MTA3: variants seen among roughly 807,000 people sequenced by gnomAD.
The protein encoded by MTA3 is metastasis-associated protein MTA3.
MTA3 carries 34 observed loss-of-function variants against 83.5 expected under a neutral mutation model. That is an observed-to-expected ratio of 0.41 (90% confidence interval 0.31 to 0.54). The LOEUF is 0.54. Ranked by LOEUF, MTA3 falls within the 20% of genes least tolerant of loss-of-function variation. The pLI is 0.33. For missense variants in MTA3, 761 were observed against 726.4 expected, an observed-to-expected ratio of 1.05 and a Z score of -0.55; for synonymous variants, 303 against 252.7, an observed-to-expected ratio of 1.20 and a Z score of -1.89.
chr2:42,607,171 C>A (rs770559043), intron 3 of MTA3, among the ~76,000 whole-genome samples: 36 of 151,410 alleles, frequency 2.4e-4, no homozygotes, highest in Non-Finnish European at 3.7e-4. Context: ...TTTTACCCCG[C>A]AAGTAAAATA....
At chr2:42,664,466 CTTTTT>C (rs35633597) in intron 8 of MTA3, among the ~76,000 whole-genome samples, 1 of 85,746 alleles carries the variant, frequency 1.2e-5, no homozygotes, top group African/African-American at 4.8e-5. Flanking sequence ...CCCCGCTTAC[CTTTTT>C]TTTTTTTTTT....
intron 3 of MTA3, among the ~76,000 whole-genome samples, chr2:42,581,360 C>CT (rs778419810): frequency 0.023 from 2,036 of 88,232 alleles, 33 homozygotes; most frequent in Non-Finnish European, 0.027. Flanking sequence ...TCCCAAATTG[C>CT]TTTTTTTTTT....
chr2:42,533,667 A>C (rs1283615746), intron 2 of MTA3, among the ~76,000 whole-genome samples: 1 of 150,794 alleles, frequency 6.6e-6, no homozygotes, highest in Non-Finnish European at 1.5e-5. Context: ...CCCCGTCTCT[A>C]CTAAAAATAC....
Position 42,579,088 on chromosome 2 carries a change from T to C in MTA3, c.97-19T>C. ...TCTAATATTCAGTGCAAATGACTTT[T>C]ATTTTTCTTATCTCTTAGACTGCAA... On this transcript the variant is annotated intron_variant, in intron 2 of 16. Coordinates refer to ENST00000405094, the MANE Select transcript of MTA3 (RefSeq NM_001330442.2). 1.3e-6 allele frequency: 2 copies of C among 1,551,634 alleles called. No individual in the cohort carries two copies. The highest frequency in any genetic ancestry group is 1.8e-6 in the Non-Finnish European group (2 of 1,141,890).
chr2:42,754,698 A>C lies in MTA3; in HGVS notation c.*1299A>C, dbSNP rs554652046. On this transcript the variant is annotated 3_prime_UTR_variant, in exon 17 of 17. Transcript: ENST00000405094. ...TCTCCCAGCCATCTCTGGGGTTACT[A>C]GGAGGCAGCTGGATGGCAGATACGA... is the stretch of plus-strand genomic sequence containing the variant. 421 of 985,416 alleles carry C rather than the reference A, an allele frequency of 4.3e-4. No homozygotes were observed. The highest frequency in any genetic ancestry group is 4.9e-4 in the Non-Finnish European group (405 of 829,982). 61.0% of individuals were successfully genotyped at this position (985,416 alleles called of 1,614,324 possible).
chr2:42,513,117 A>G (rs773649301), intron 2 of MTA3, among the ~76,000 whole-genome samples: 1 of 152,228 alleles, frequency 6.6e-6, no homozygotes, highest in Non-Finnish European at 1.5e-5. Flanking sequence ...CCAACTGGGC[A>G]TACGAGAGGC....
At chr2:42,531,196 C>G (rs572967176) in intron 2 of MTA3, among the ~76,000 whole-genome samples, 1 of 152,236 alleles carries the variant, frequency 6.6e-6, no homozygotes, top group South Asian at 2.1e-4. Context: ...GACAGCAAAC[C>G]TGCCAGCACC....
At chr2:42,660,334 G>GC (rs1314163703) in intron 8 of MTA3, among the ~76,000 whole-genome samples, 1 of 152,184 alleles carries the variant, frequency 6.6e-6, no homozygotes, top group Non-Finnish European at 1.5e-5. Flanking sequence ...TGATCCACCC[G>GC]CCTCGGCCTT....
intron 16 of MTA3, among the ~76,000 whole-genome samples, chr2:42,747,837 T>C (rs1226351107): frequency 2.0e-5 from 3 of 152,012 alleles, no homozygotes; most frequent in Non-Finnish European, 4.4e-5. Context: ...ATATACAATT[T>C]AATAAGTTTT....
rs1670208600 is a variant in MTA3 at position 42,755,889 on chromosome 2, G to A, written c.*2490G>A. ...TATCTCCCCCTCTGGCTCAGTCATC[G>A]CCTGCCCACCCTTCACTTCTTAAAG... On this transcript the variant is annotated 3_prime_UTR_variant, in exon 17 of 17. Transcript: ENST00000405094. 5 of 985,376 alleles carry A rather than the reference G, an allele frequency of 5.1e-6. No homozygotes were observed. The highest frequency in any genetic ancestry group is 5.2e-4 in the Middle Eastern group (1 of 1,936). The allele number at this position is 985,376 out of a possible 1,614,324, so 61.0% of individuals were successfully genotyped here. A position where few individuals can be genotyped will look rare whatever the true frequency, so the allele number is the denominator to read the frequency against.
At chr2:42,654,422 G>A (rs530287062) in intron 6 of MTA3, among the ~76,000 whole-genome samples, 31 of 152,314 alleles carry the variant, frequency 2.0e-4, no homozygotes, top group African/African-American at 6.7e-4. Flanking sequence ...GCAAAACAAA[G>A]CCAAAGCAGT....
intron 2 of MTA3, among the ~76,000 whole-genome samples, chr2:42,556,781 T>C (rs914922840): frequency 1.3e-5 from 2 of 151,896 alleles, no homozygotes; most frequent in African/African-American, 4.8e-5. Context: ...TGGGAAGAGG[T>C]AGAAGCACCA....
chr2:42,704,545 A>G (rs1371627074), intron 12 of MTA3, among the ~76,000 whole-genome samples: 3 of 152,232 alleles, frequency 2.0e-5, no homozygotes, highest in Non-Finnish European at 4.4e-5. Context: ...ATTTCCCTTG[A>G]TGTACTCTTG....
At position 42,722,873 on chromosome 2, in the gene MTA3, T is replaced by C. The variant is rs1040393527; in HGVS notation, c.1613-16T>C. On this transcript the variant is annotated splice_polypyrimidine_tract_variant and intron_variant, in intron 15 of 16. Coordinates refer to ENST00000405094, the MANE Select transcript of MTA3 (RefSeq NM_001330442.2). ...ATATCATGTTCTGAATTGAGAAACCTTTTTTCCCCCATCAGAGATCCATCC... is the reference window on the plus strand; with the variant it reads ...ATATCATGTTCTGAATTGAGAAACCCTTTTTCCCCCATCAGAGATCCATCC... 5.9e-5 allele frequency: 91 copies of C among 1,547,422 alleles called. No homozygotes were observed. The highest frequency in any genetic ancestry group is 5.0e-4 in the Middle Eastern group (3 of 5,968).
Position 42,568,681 on chromosome 2 carries a change from G to A in MTA3, c.-65G>A, listed in dbSNP as rs1678077141. 2 of 1,172,406 alleles carry A rather than the reference G, an allele frequency of 1.7e-6. No homozygotes were observed. Among genetic ancestry groups the A allele is most frequent in the South Asian group, 4.2e-5 (1 of 23,674 alleles). 72.6% of individuals were successfully genotyped at this position (1,172,406 alleles called of 1,614,324 possible). A position where few individuals can be genotyped will look rare whatever the true frequency, so the allele number is the denominator to read the frequency against. On this transcript the variant is annotated 5_prime_UTR_variant, in exon 1 of 17. Transcript: ENST00000405094. Reference sequence around the variant, plus strand: ...CGGCGGCAGCGGCGGTCGCGGCTGAGGCTGAGGAGGAGGCGGCGGCGGCGG... The same window carrying A: ...CGGCGGCAGCGGCGGTCGCGGCTGAAGCTGAGGAGGAGGCGGCGGCGGCGG...
At chr2:42,647,808 A>T (rs1251301739) in intron 6 of MTA3, among the ~76,000 whole-genome samples, 1 of 152,156 alleles carries the variant, frequency 6.6e-6, no homozygotes, top group Non-Finnish European at 1.5e-5. Flanking sequence ...TTCACTTGTA[A>T]TCAGGCAACT....
intron 2 of MTA3, among the ~76,000 whole-genome samples, chr2:42,552,081 T>G (rs1029288602): frequency 2.6e-5 from 4 of 151,934 alleles, no homozygotes; most frequent in African/African-American, 9.7e-5. Flanking sequence ...TGGTATCAAA[T>G]TCCTGGGCTC....
At chr2:42,555,989 T>C (rs1167711212) in intron 2 of MTA3, among the ~76,000 whole-genome samples, 1 of 149,612 alleles carries the variant, frequency 6.7e-6, no homozygotes, top group African/African-American at 2.5e-5. Context: ...GGAGAATTGC[T>C]AGAACCCAGG....
chr2:42,592,278 A>T (rs1195185103), intron 3 of MTA3, among the ~76,000 whole-genome samples: 1 of 151,716 alleles, frequency 6.6e-6, no homozygotes, highest in Non-Finnish European at 1.5e-5. Flanking sequence ...AAAACAAAAC[A>T]AAACAAAAAA....
Sources: gnomAD v4.1 joint callset for allele counts (sites outside exome capture counted in the v4.1 genomes callset) on GRCh38, gnomAD v4.1.1 for gene constraint, MANE v1.5 for transcripts, NCBI Gene and HGNC (gene_info 2026-07-23, HGNC 2026-07-21) for gene names.